The following ATG2A variants were observed in gnomAD, a reference collection of about 807,000 sequenced individuals.
The protein encoded by ATG2A is autophagy related 2A, also known as autophagy-related protein 2 homolog A.
Under a neutral mutation model 214.2 loss-of-function variants are expected in ATG2A, and 103 were observed. That is an observed-to-expected ratio of 0.48 (90% CI 0.41 to 0.57). The LOEUF (loss-of-function observed/expected upper bound fraction) is 0.57. ATG2A is among the 20% of genes least tolerant of loss of function. The pLI, the probability that ATG2A is intolerant of heterozygous loss-of-function variation, is 0.00. For missense variants in ATG2A, 2,312 were observed against 2,613.2 expected (o/e 0.88, Z 2.51); for synonymous variants, 1,160 against 1,142.1 (o/e 1.02, Z -0.32).
chr11:64,917,158 C>A lies in ATG2A; in HGVS notation c.-23G>T. The A allele has an allele frequency of 6.4e-7, 1 of 1,573,078 alleles. No individual in the cohort carries two copies. The highest frequency in any genetic ancestry group is 8.6e-7 in the Non-Finnish European group (1 of 1,158,770). On this transcript the variant is annotated 5_prime_UTR_variant, in exon 1 of 41. Transcript: ENST00000377264. ...CATCTCGGAGACCGCCGGGCCTGGG[C>A]CGCCTCCGCTTGCCGCCCGCCGGCG...
At position 64,895,351 on chromosome 11, in the gene ATG2A, C is replaced by T. The variant is rs1056716173; in HGVS notation, c.5519G>A (p.Arg1840Lys). The stretch of plus-strand genomic sequence containing the variant: ...CCGCAGGTCGGCAGGCTGCTGGCCC[C>T]TGCGCAGCCTCCGCGCAGAGCGCTT... ...QDKRSARRLR[R>K]GQQPADLREG... The change falls in exon 40 of 41, where the codon AGG becomes AAG. Residue 1840 changes from arginine (R) to lysine (K), a missense_variant. Transcript: ENST00000377264. The surrounding 1 kb of genome is among the most constrained non-coding windows in gnomAD (Gnocchi z 5.0). The T allele has an allele frequency of 2.5e-6, 4 of 1,613,190 alleles. No individual in the cohort carries two copies. Among genetic ancestry groups the T allele is most frequent in the Non-Finnish European group, 3.4e-6 (4 of 1,179,820 alleles).
intron 7 of ATG2A, 39 bp from the exon 8 acceptor site, chr11:64,912,288 T>TGGCCCCCCCCC: frequency 2.7e-6 from 4 of 1,471,212 alleles, no homozygotes; most frequent in Non-Finnish European, 3.8e-6. Context: ...TGGCTGGCCC[T>TGGCCCCCCCCC]CCCAGCCACC....
rs772155188 is a variant in ATG2A, at chr11:64,894,777, G to A, written c.*196C>T. ...AGTGTCCTTTCTCCCCGGAGGAAAAGTGCAGAGCCAGGGCTAAGGCCCCAA... is the reference window on the plus strand; with the variant it reads ...AGTGTCCTTTCTCCCCGGAGGAAAAATGCAGAGCCAGGGCTAAGGCCCCAA... On this transcript the variant is annotated 3_prime_UTR_variant, in exon 41 of 41. Transcript: ENST00000377264. 4.0e-6 allele frequency: 3 copies of A among 752,956 alleles called. No individual in the cohort carries two copies. Among genetic ancestry groups the A allele is most frequent in the Non-Finnish European group, 7.0e-6 (3 of 425,826 alleles). The allele number at this position is 752,956 out of a possible 1,614,324, so 46.6% of individuals were successfully genotyped here.
rs1363767299 is a variant in ATG2A at position 64,903,869 on chromosome 11, C to T, written c.3465-209G>A. On this transcript the variant is annotated intron_variant, in intron 24 of 40. Transcript: ENST00000377264. This position sits in a 1 kb window ranked among gnomAD's most constrained non-coding sequence, Gnocchi z 4.2. ...GCAGCTCTCAAAGTGCCTGCAGTTC[C>T]GACACCTCAATGGGGCCTCATGACA... Among the ~76,000 whole-genome samples the T allele has an allele frequency of 6.6e-6, 1 of 152,202 alleles. No individual in the cohort carries two copies. The highest frequency in any genetic ancestry group is 1.5e-5 in the Non-Finnish European group (1 of 68,032).
chr11:64,900,973 T>A lies in ATG2A; in HGVS notation c.4239A>T (p.Pro1413=). 1 of 1,586,956 alleles carries A rather than the reference T, an allele frequency of 6.3e-7. No individual in the cohort carries two copies. The highest frequency in any genetic ancestry group is 8.6e-7 in the Non-Finnish European group (1 of 1,166,978). The stretch of plus-strand genomic sequence containing the variant: ...GTAGCACCACCCGAGTGCTGGGCAC[T>A]GGGAAATGGGCAGGTGCCCGCAGCA... ...TDLLRAPAHF[P]VPSTRVVLRE... Residue 1413 remains proline (P), a synonymous_variant, in exon 30 of 41, where the codon CCA becomes CCT. Coordinates refer to ENST00000377264, the MANE Select transcript of ATG2A (RefSeq NM_015104.3).
At chr11:64,914,620 G>T in intron 1 of ATG2A, 120 bp from the exon 2 acceptor site, 1 of 1,302,336 alleles carries the variant, frequency 7.7e-7, no homozygotes, top group Non-Finnish European at 1.0e-6. Flanking sequence ...CCCTCCACGT[G>T]TTATCTACAA....
rs145075513 is a variant in ATG2A, at chr11:64,903,300, G to C, written c.3600C>G (p.Thr1200=). Residue 1200 remains threonine, a synonymous_variant, in exon 26 of 41, where the codon ACC becomes ACG. Coordinates refer to ENST00000377264, the MANE Select transcript of ATG2A (RefSeq NM_015104.3). This position sits in a 1 kb window ranked among gnomAD's most constrained non-coding sequence, Gnocchi z 4.2. ...CAGCCTCACTCACCAGTTTGCCCTC[G>C]GTGCTCCCTTTCCAGGTTTTAATCA... ...ELVIKTWKGS[T]EGKLSQPLFE... is the part of the protein sequence containing the mutation. The C allele has an allele frequency of 1.2e-6, 2 of 1,613,966 alleles. No homozygotes were observed. The highest frequency in any genetic ancestry group is 4.5e-5 in the East Asian group (2 of 44,886).
At chr11:64,905,232 T>C (rs79034210) in intron 24 of ATG2A, among the ~76,000 whole-genome samples, 3,013 of 152,308 alleles carry the variant, frequency 0.02, 104 homozygotes, top group African/African-American at 0.069. Flanking sequence ...GGGCCATGCT[T>C]ATTTGCTCAG....
At chr11:64,912,532 T>A in intron 6 of ATG2A, 109 bp from the exon 7 acceptor site, 1 of 876,390 alleles carries the variant, frequency 1.1e-6, no homozygotes, top group South Asian at 1.8e-5. Context: ...GCTACCAAAC[T>A]AAACTCTGTT....
chr11:64,912,204 C>G lies in ATG2A; in HGVS notation c.968G>C (p.Gly323Ala). 6.2e-7 allele frequency: 1 copy of G among 1,613,842 alleles called. No homozygotes were observed. The highest frequency in any genetic ancestry group is 8.5e-7 in the Non-Finnish European group (1 of 1,179,988). Residue 323 changes from glycine (G) to alanine (A), a missense_variant, in exon 8 of 41, where the codon GGT becomes GCT. Transcript: ENST00000377264. Reference protein sequence around the residue: ...ADKLNKSRPLGAEDLWLIEQD... With the variant: ...ADKLNKSRPLAAEDLWLIEQD... ...CTCAATCAGCCACAGGTCTTCGGCA[C>G]CTAGCGGGCGGCTCTTGTTCAGCTT...
At position 64,914,172 on chromosome 11, in the gene ATG2A, G is replaced by C. The variant is rs769054469; in HGVS notation, c.396C>G (p.Ala132=). 2 of 1,553,156 alleles carry C rather than the reference G, an allele frequency of 1.3e-6. No individual in the cohort carries two copies. The highest frequency in any genetic ancestry group is 1.7e-6 in the Non-Finnish European group (2 of 1,148,180). The change falls in exon 3 of 41, where the codon GCC becomes GCG. Residue 132 remains alanine, a synonymous_variant. Transcript: ENST00000377264. ...ASCMTTSLQL[A]QECLRDGLPE... ...GTAGCCCATCCCGCAGACACTCCTGGGCCAGCTGCAGGCTTGTGGTCATGC... is the reference window on the plus strand; with the variant it reads ...GTAGCCCATCCCGCAGACACTCCTGCGCCAGCTGCAGGCTTGTGGTCATGC...
chr11:64,895,390 C>T lies in ATG2A; in HGVS notation c.5480G>A (p.Arg1827His), dbSNP rs757163377. The T allele has an allele frequency of 4.2e-5, 67 of 1,609,970 alleles. No homozygotes were observed. The highest frequency in any genetic ancestry group is 6.7e-5 in the Admixed American group (4 of 59,732). ...CGCAGAGCGCTTATCCTGCAGGGAG[C>T]GGGAGACGGGGGCTGCCGGGGACAG... ...DILSPAAPVS[R>H]SLQDKRSARR... is the part of the protein sequence containing the mutation. Residue 1827 changes from arginine (R) to histidine (H), a missense_variant, in exon 40 of 41, where the codon CGC becomes CAC. Arg to His is a conservative substitution (Grantham distance 29). Transcript: ENST00000377264. This position sits in a 1 kb window ranked among gnomAD's most constrained non-coding sequence, Gnocchi z 5.0.
At chr11:64,912,890 C>A in intron 6 of ATG2A, 148 bp downstream of exon 6, 2 of 660,202 alleles carry the variant, frequency 3.0e-6, no homozygotes, top group Non-Finnish European at 2.5e-6. Context: ...CTGTGCCTGG[C>A]CTACAGCCTC....
rs148815593 is a variant in ATG2A, at chr11:64,896,559, C to T, written c.5330G>A (p.Arg1777His). ...CCCTCGCTGCAGCCCCCGCATGAGG[C>T]GGCCATCCTTCCTGTACTGCTCAAT... The part of the protein sequence containing the change: ...LPIEQYRKDG[R>H]LMRGLQRGAA... Residue 1777 changes from arginine (R) to histidine (H), a missense_variant, in exon 39 of 41, where the codon CGC (arginine) becomes CAC (histidine). Physicochemically the swap from Arg to His is conservative, Grantham distance 29. Coordinates refer to ENST00000377264, the MANE Select transcript of ATG2A (RefSeq NM_015104.3). The T allele has an allele frequency of 2.7e-5, 44 of 1,613,854 alleles. No homozygotes were observed. The highest frequency in any genetic ancestry group is 3.1e-5 in the Non-Finnish European group (37 of 1,179,956).
Position 64,903,195 on chromosome 11 carries a change from G to T in ATG2A, c.3612+93C>A. Reference sequence around the variant, plus strand: ...AGGGCAGGCATGAACTGTGTCCGGAGCCCAGGCACGTGAGGGAGCAGCAGC... The same window carrying T: ...AGGGCAGGCATGAACTGTGTCCGGATCCCAGGCACGTGAGGGAGCAGCAGC... On this transcript the variant is annotated intron_variant, in intron 26 of 40. Coordinates refer to ENST00000377264, the MANE Select transcript of ATG2A (RefSeq NM_015104.3). This position sits in a 1 kb window ranked among gnomAD's most constrained non-coding sequence, Gnocchi z 4.2. The T allele has an allele frequency of 1.6e-6, 2 of 1,217,308 alleles. No individual in the cohort carries two copies. Among genetic ancestry groups the T allele is most frequent in the Non-Finnish European group, 2.4e-6 (2 of 836,680 alleles). 75.4% of individuals were successfully genotyped at this position (1,217,308 alleles called of 1,614,324 possible). A position where few individuals can be genotyped will look rare whatever the true frequency, so the allele number is the denominator to read the frequency against.
chr11:64,898,138 A>G lies in ATG2A; in HGVS notation c.4806T>C (p.Thr1602=), dbSNP rs760346695. 6.2e-7 allele frequency: 1 copy of G among 1,614,052 alleles called. No individual in the cohort carries two copies. The highest frequency in any genetic ancestry group is 8.5e-7 in the Non-Finnish European group (1 of 1,179,996). ...DALFFLKDFF[T]SLVAGINPVV... ...CGGGGTTGATGCCGGCCACCAGACT[A>G]GTGAAGAAGTCCTTGAGGAAGAAGA... Residue 1602 remains threonine (T), a synonymous_variant, in exon 34 of 41, where the codon ACT becomes ACC. Transcript: ENST00000377264. The surrounding 1 kb of genome is among the most constrained non-coding windows in gnomAD (Gnocchi z 4.5).
rs1309361752 is a variant in ATG2A, at chr11:64,897,722, C to T, written c.5016G>A (p.Glu1672=). The T allele has an allele frequency of 1.9e-5, 30 of 1,614,142 alleles. No homozygotes were observed. The highest frequency in any genetic ancestry group is 2.5e-5 in the Non-Finnish European group (29 of 1,180,044). The part of the protein sequence containing the change: ...IYFREFRFTS[E]VPIWLDYHGK... ...CATGGTAATCCAGCCAGATGGGGAC[C>T]TCAGACGTGAAGCGGAACTCTCTGG... Residue 1672 remains glutamate, a synonymous_variant, in exon 36 of 41, where the codon GAG becomes GAA. Transcript: ENST00000377264.
rs1257750844 is a variant in ATG2A, at chr11:64,894,870, C to T, written c.*103G>A. On this transcript the variant is annotated 3_prime_UTR_variant, in exon 41 of 41. Transcript: ENST00000377264. ...GCTGGGAAGGCGTCCTTCACAGTGG[C>T]CATCCCCTGAAGGGCCAGGCCGGGC... is the stretch of plus-strand genomic sequence containing the variant. The T allele has an allele frequency of 7.3e-7, 1 of 1,361,128 alleles. No homozygotes were observed. Among genetic ancestry groups the T allele is most frequent in the South Asian group, 1.2e-5 (1 of 85,942 alleles). The allele number at this position is 1,361,128 out of a possible 1,614,324, so 84.3% of individuals were successfully genotyped here. A position where few individuals can be genotyped will look rare whatever the true frequency, so the allele number is the denominator to read the frequency against.
At chr11:64,910,012 C>T (rs371989689) in intron 13 of ATG2A, 28 bp downstream of exon 13, 28 of 1,558,146 alleles carry the variant, frequency 1.8e-5, no homozygotes, top group African/African-American at 1.4e-4. Context: ...CACCCACCCC[C>T]GGCCTGGCCC....
Sources: allele counts gnomAD v4.1 joint callset (sites outside exome capture counted in the v4.1 genomes callset), GRCh38; gene constraint gnomAD v4.1.1; non-coding constraint Gnocchi (gnomAD v3.1); transcripts MANE v1.5; gene names NCBI Gene and HGNC (gene_info 2026-07-23, HGNC 2026-07-21).